The following VAV3 variants were observed in gnomAD, a reference collection of about 807,000 sequenced individuals.
VAV3 encodes the protein guanine nucleotide exchange factor VAV3.
Under a neutral mutation model 131.2 loss-of-function variants are expected in VAV3, and 94 were observed. The ratio of observed to expected loss-of-function variants is 0.72; its 90% confidence interval spans 0.61 to 0.85. The LOEUF (loss-of-function observed/expected upper bound fraction) is 0.85, where lower values mean the gene tolerates loss of function less well. VAV3 is among the 40% of genes least tolerant of loss of function. The probability of loss-of-function intolerance (pLI) is 0.00; values close to 1 mark genes in which losing one functional copy is unlikely to be tolerated. For missense variants in VAV3, 939 were observed against 1,002.7 expected (o/e 0.94, Z 0.86); for synonymous variants, 349 against 342.0 (o/e 1.02, Z -0.22).
chr1:107,760,639 T>G (rs911789268), intron 10 of VAV3, 145 bp downstream of exon 10: 1 of 551,846 alleles, frequency 1.8e-6, no homozygotes, highest in African/African-American at 1.9e-5. Context: ...GCTGTTCTGT[T>G]ATTTCCCACT....
intron 1 of VAV3, among the ~76,000 whole-genome samples, chr1:107,957,671 G>T (rs1300309194): frequency 1.3e-5 from 2 of 152,040 alleles, no homozygotes; most frequent in Non-Finnish European, 2.9e-5. Context: ...ATAATAAGAG[G>T]TACAAGAGAA....
chr1:107,679,151 T>C (rs1378466485), intron 19 of VAV3, among the ~76,000 whole-genome samples: 1 of 152,202 alleles, frequency 6.6e-6, no homozygotes, highest in African/African-American at 2.4e-5. Context: ...TGGCGTTATA[T>C]GTCAATCCTA....
chr1:107,959,669 T>G (rs1235862916), intron 1 of VAV3, among the ~76,000 whole-genome samples: 2 of 152,172 alleles, frequency 1.3e-5, no homozygotes, highest in Non-Finnish European at 2.9e-5. Flanking sequence ...AGACTTTTTC[T>G]TCTTTCTTCA....
At chr1:107,575,958 T>G (rs1262179999) in intron 25 of VAV3, among the ~76,000 whole-genome samples, 1 of 152,186 alleles carries the variant, frequency 6.6e-6, no homozygotes, top group African/African-American at 2.4e-5. Context: ...CAGTCATCTT[T>G]TCAAGTAATG....
At chr1:107,653,871 T>C (rs1656351828) in intron 19 of VAV3, among the ~76,000 whole-genome samples, 1 of 152,060 alleles carries the variant, frequency 6.6e-6, no homozygotes, top group African/African-American at 2.4e-5. Context: ...AATTGCTCCC[T>C]TCCCAGGAAC....
At chr1:107,863,712 GCATATTTA>G (rs1294489377) in intron 2 of VAV3, among the ~76,000 whole-genome samples, 1 of 152,110 alleles carries the variant, frequency 6.6e-6, no homozygotes, top group Non-Finnish European at 1.5e-5. Flanking sequence ...ACCTCTGTGT[GCATATTTA>G]CATGTATATT....
At chr1:107,916,985 G>A (rs345308) in intron 1 of VAV3, among the ~76,000 whole-genome samples, 107,795 of 152,034 alleles carry the variant, frequency 0.71, 39,560 homozygotes, top group East Asian at 0.94. Flanking sequence ...CTGGAAATTC[G>A]GGCAGAGGAG....
chr1:107,809,017 T>G (rs1316654301), intron 2 of VAV3, among the ~76,000 whole-genome samples: 1 of 152,166 alleles, frequency 6.6e-6, no homozygotes. Context: ...TATTCTAAAC[T>G]ATTCACAAGG....
At chr1:107,919,159 C>T (rs1272688253) in intron 1 of VAV3, among the ~76,000 whole-genome samples, 1 of 152,160 alleles carries the variant, frequency 6.6e-6, no homozygotes, top group South Asian at 2.1e-4. Context: ...ACAAAACTTA[C>T]ATTTACCTTT....
chr1:107,743,956 T>C (rs941260019), intron 15 of VAV3, among the ~76,000 whole-genome samples: 4 of 152,206 alleles, frequency 2.6e-5, no homozygotes, highest in African/African-American at 9.7e-5. Flanking sequence ...CTTCTGGAAG[T>C]AGATGGGGAA....
chr1:107,664,522 A>C (rs1557744408), intron 19 of VAV3, among the ~76,000 whole-genome samples: 2 of 152,220 alleles, frequency 1.3e-5, no homozygotes, highest in African/African-American at 2.4e-5. Context: ...AAAAAGGTTA[A>C]AGAATTTTCA....
At chr1:107,944,523 C>T (rs932295680) in intron 1 of VAV3, among the ~76,000 whole-genome samples, 1 of 152,106 alleles carries the variant, frequency 6.6e-6, no homozygotes, top group Non-Finnish European at 1.5e-5. Context: ...CTAATGAGGG[C>T]TTTGAATATT....
At chr1:107,711,806 G>A (rs1660799643) in intron 15 of VAV3, among the ~76,000 whole-genome samples, 1 of 152,014 alleles carries the variant, frequency 6.6e-6, no homozygotes, top group South Asian at 2.1e-4. Context: ...TCATGCCTCA[G>A]CCTCCTGAGT....
At chr1:107,900,626 G>A (rs926854480) in intron 1 of VAV3, among the ~76,000 whole-genome samples, 1 of 152,202 alleles carries the variant, frequency 6.6e-6, no homozygotes. Context: ...ATCACTGCCT[G>A]TAAACCACAA....
At chr1:107,772,072 T>C (rs1665081725) in intron 5 of VAV3, among the ~76,000 whole-genome samples, 1 of 152,194 alleles carries the variant, frequency 6.6e-6, no homozygotes, top group Non-Finnish European at 1.5e-5. Context: ...TAAAGAAAAG[T>C]CTTTAATATA....
At chr1:107,715,550 C>T (rs949083125) in intron 15 of VAV3, among the ~76,000 whole-genome samples, 1 of 152,202 alleles carries the variant, frequency 6.6e-6, no homozygotes, top group African/African-American at 2.4e-5. Flanking sequence ...GAGTGCCTAT[C>T]ATGTGACAGT....
intron 2 of VAV3, among the ~76,000 whole-genome samples, chr1:107,853,902 C>G (rs1480654909): frequency 6.6e-6 from 1 of 152,212 alleles, no homozygotes; most frequent in African/African-American, 2.4e-5. Flanking sequence ...TTAACAGCCA[C>G]TCTTTCAGAT....
chr1:107,769,099 A>G (rs573017523), intron 6 of VAV3, among the ~76,000 whole-genome samples: 1 of 152,252 alleles, frequency 6.6e-6, no homozygotes, highest in East Asian at 1.9e-4. Flanking sequence ...GTCATTATCA[A>G]CAACTTCATA....
intron 1 of VAV3, 51 bp from the exon 2 acceptor site, chr1:107,875,068 A>G: frequency 6.9e-7 from 1 of 1,456,212 alleles, no homozygotes; most frequent in Non-Finnish European, 9.6e-7. Context: ...TCTGAATGCT[A>G]TCCACCCTCT....
Sources: allele counts gnomAD v4.1 joint callset (sites outside exome capture counted in the v4.1 genomes callset), GRCh38; gene constraint gnomAD v4.1.1; transcripts MANE v1.5; gene names NCBI Gene and HGNC (gene_info 2026-07-23, HGNC 2026-07-21).